CYP1A1: variants seen among roughly 807,000 people sequenced by gnomAD.
CYP1A1 encodes the protein cytochrome P450 1A1.
Under a neutral mutation model 33.6 loss-of-function variants are expected in CYP1A1, and 43 were observed. The ratio of observed to expected loss-of-function variants is 1.28; its 90% CI spans 1.00 to 1.65. The LOEUF is 1.65. Ranked by LOEUF, CYP1A1 falls within the 40% of genes most tolerant of loss-of-function variation. The pLI, the probability that CYP1A1 is intolerant of heterozygous loss-of-function variation, is 0.00. For missense variants in CYP1A1, 637 were observed against 653.7 expected, an observed-to-expected ratio of 0.97 and a Z score of 0.28; for synonymous variants, 280 against 257.8, an observed-to-expected ratio of 1.09 and a Z score of -0.83.
chr15:74,721,504 C>T lies in CYP1A1; in HGVS notation c.953-1G>A, dbSNP rs1382709172. On this transcript the variant is annotated splice_acceptor_variant, in intron 3 of 6. Transcript: ENST00000379727. LOFTEE classifies it high-confidence loss of function. Reference sequence around the variant, plus strand: ...ATAGCAGTTGTGACTGTGTCAAACCCTGGACAGGGTAGAACAGAAGAAGTT... The same window carrying T: ...ATAGCAGTTGTGACTGTGTCAAACCTTGGACAGGGTAGAACAGAAGAAGTT... 1.2e-6 allele frequency: 2 copies of T among 1,614,174 alleles called. No individual in the cohort carries two copies. The highest frequency in any genetic ancestry group is 2.7e-5 in the African/African-American group (2 of 75,032).
rs1447379758 is a variant in CYP1A1, at chr15:74,720,729, G to A, written c.1299C>T (p.Leu433=). 1.9e-6 allele frequency: 3 copies of A among 1,614,014 alleles called. No homozygotes were observed. The South Asian group carries it at 3.3e-5, about 18-fold the overall frequency. ...NPSEFLPERF[L]TPDGAIDKVL... is the part of the protein sequence containing the mutation. ...CCTTGTCGATAGCACCATCAGGGGT[G>A]AGAAACCGTTCAGGTAGGAACTCAG... The change falls in exon 7 of 7, where the codon CTC becomes CTT. Residue 433 remains leucine (L), a synonymous_variant. Transcript: ENST00000379727.
In CYP1A1 at chr15:74,722,658, A is replaced by G. The variant is rs1232845213; in HGVS notation, c.440T>C (p.Ile147Thr). The stretch of plus-strand genomic sequence containing the variant: ...GGTTGAGGAGGCTGGGTCAGAGGCA[A>G]TGGAGAAACTTTTCAGGCCATTCTG... ...LAQNGLKSFS[I>T]ASDPASSTSC... The change falls in exon 2 of 7, where the codon ATT becomes ACT. Residue 147 changes from isoleucine to threonine, a missense_variant. Ile to Thr is a moderately conservative substitution (Grantham distance 89). Coordinates refer to ENST00000379727, the MANE Select transcript of CYP1A1 (RefSeq NM_001319217.2). 1.9e-6 allele frequency: 3 copies of G among 1,613,836 alleles called. No individual in the cohort carries two copies. Among genetic ancestry groups the G allele is most frequent in the Non-Finnish European group, 2.5e-6 (3 of 1,180,036 alleles).
Position 74,722,552 on chromosome 15 carries a change from C to A in CYP1A1, c.546G>T (p.Gly182=). The A allele has an allele frequency of 6.2e-7, 1 of 1,614,130 alleles. No individual in the cohort carries two copies. Among genetic ancestry groups the A allele is most frequent in the Non-Finnish European group, 8.5e-7 (1 of 1,180,026 alleles). The change falls in exon 2 of 7, where the codon GGG becomes GGT. Residue 182 remains glycine (G), a synonymous_variant. Coordinates refer to ENST00000379727, the MANE Select transcript of CYP1A1 (RefSeq NM_001319217.2). ...STLQELMAGP[G]HFNPYRYVVV... is the part of the protein sequence containing the mutation. ...CCACATACCTGTAGGGGTTAAAGTG[C>A]CCAGGCCCTGCCATCAGCTCCTGCA...
At position 74,722,848 on chromosome 15, in the gene CYP1A1, C is replaced by T. The variant is rs1171054135; in HGVS notation, c.250G>A (p.Val84Met). ...ATGGTGTCCAGGCCGCTCAGCACCA[C>T]CACGGGTGTGGAGCCAATTCGGATC... ...LQIRIGSTPV[V>M]VLSGLDTIRQ... Residue 84 changes from valine to methionine, a missense_variant, in exon 2 of 7, where the codon GTG (valine) becomes ATG (methionine). By Grantham distance (21) the Val-to-Met change is conservative. Transcript: ENST00000379727. 1 of 1,614,018 alleles carries T rather than the reference C, an allele frequency of 6.2e-7. No homozygotes were observed. Among genetic ancestry groups the T allele is most frequent in the Non-Finnish European group, 8.5e-7 (1 of 1,180,044 alleles).
In CYP1A1 at chr15:74,720,987, C is replaced by T; in HGVS notation, c.1233G>A (p.Gln411=). The part of the protein sequence containing the change: ...IPKGRCVFVN[Q]WQINHDQKLW... ...CTTACTGGTCATGGTTGATCTGCCA[C>T]TGGTTTACAAAGACACAACGCCCCT... The change falls in exon 6 of 7, where the codon CAG becomes CAA. Residue 411 remains glutamine (Q), a synonymous_variant. Coordinates refer to ENST00000379727, the MANE Select transcript of CYP1A1 (RefSeq NM_001319217.2). The T allele has an allele frequency of 6.2e-7, 1 of 1,614,188 alleles. No homozygotes were observed. The highest frequency in any genetic ancestry group is 1.7e-5 in the Admixed American group (1 of 60,018).
In CYP1A1 at chr15:74,720,386, T is replaced by C. The variant is rs2063157526; in HGVS notation, c.*103A>G. On this transcript the variant is annotated 3_prime_UTR_variant, in exon 7 of 7. Transcript: ENST00000379727. ...GCAAAACTGCAGCCAGATCAGTGTCTATGAGTTTCAGGCTGAACCTTAGAC... is the reference window on the plus strand; with the variant it reads ...GCAAAACTGCAGCCAGATCAGTGTCCATGAGTTTCAGGCTGAACCTTAGAC... The C allele has an allele frequency of 7.6e-7, 1 of 1,317,080 alleles. No homozygotes were observed. The allele number at this position is 1,317,080 out of a possible 1,614,324, so 81.6% of individuals were successfully genotyped here.
chr15:74,720,634 C>T lies in CYP1A1; in HGVS notation c.1394G>A (p.Trp465Ter). Residue 465 changes from tryptophan (W) to a stop codon, truncating the protein, a stop_gained, in exon 7 of 7, where the codon TGG becomes TAG. Transcript: ENST00000379727. LOFTEE classifies it high-confidence loss of function. ...RKCIGETIAR[W>*]EVFLFLAILL... ...GATAGCCAGGAAGAGAAAGACCTCC[C>T]AGCGGGCAATGGTCTCACCGATACA... 1 of 1,614,182 alleles carries T rather than the reference C, an allele frequency of 6.2e-7. No homozygotes were observed. Among genetic ancestry groups the T allele is most frequent in the Non-Finnish European group, 8.5e-7 (1 of 1,180,020 alleles).
Position 74,721,323 on chromosome 15 carries a change from C to A in CYP1A1, c.1043-1G>T. ...CGCCGTGACCTGCCAATCACTGTGT[C>A]TGCAGAACACAGGGACAAGATGGAT... On this transcript the variant is annotated splice_acceptor_variant, in intron 4 of 6. Coordinates refer to ENST00000379727, the MANE Select transcript of CYP1A1 (RefSeq NM_001319217.2). LOFTEE classifies it high-confidence loss of function. The A allele has an allele frequency of 6.2e-7, 1 of 1,613,750 alleles. No individual in the cohort carries two copies. The highest frequency in any genetic ancestry group is 8.5e-7 in the Non-Finnish European group (1 of 1,179,828).
intron 1 of CYP1A1, among the ~76,000 whole-genome samples, chr15:74,723,701 G>A (rs986006349): frequency 2.8e-4 from 42 of 152,228 alleles, no homozygotes; most frequent in African/African-American, 9.6e-4. Flanking sequence ...ATGTTCTCAG[G>A]GGAATTAGGG....
rs780364499 is a variant in CYP1A1, at chr15:74,720,746, G to A, written c.1282C>T (p.Leu428=). 8.1e-6 allele frequency: 13 copies of A among 1,613,422 alleles called. No homozygotes were observed. In the South Asian group the frequency reaches 1.4e-4, roughly 18 times the overall value. The change falls in exon 7 of 7, where the codon CTA becomes TTA. Residue 428 remains leucine, a synonymous_variant. Coordinates refer to ENST00000379727, the MANE Select transcript of CYP1A1 (RefSeq NM_001319217.2). ...TCAGGGGTGAGAAACCGTTCAGGTA[G>A]GAACTCAGATGGGTTGACCCATAGC... ...QKLWVNPSEF[L]PERFLTPDGA... is the part of the protein sequence containing the mutation.
At position 74,721,478 on chromosome 15, in the gene CYP1A1, G is replaced by A; in HGVS notation, c.978C>T (p.Ile326=). ...GAGFDTVTTA[I]SWSLMYLVMN... ...TCACCAAATACATGAGGCTCCAGGA[G>A]ATAGCAGTTGTGACTGTGTCAAACC... is the stretch of plus-strand genomic sequence containing the variant. Residue 326 remains isoleucine, a synonymous_variant, in exon 4 of 7, where the codon ATC becomes ATT. Coordinates refer to ENST00000379727, the MANE Select transcript of CYP1A1 (RefSeq NM_001319217.2). 3 of 1,614,202 alleles carry A rather than the reference G, an allele frequency of 1.9e-6. No homozygotes were observed. Among genetic ancestry groups the A allele is most frequent in the Non-Finnish European group, 2.5e-6 (3 of 1,180,032 alleles).
chr15:74,724,231 G>C (rs945484934), intron 1 of CYP1A1, among the ~76,000 whole-genome samples: 3 of 152,126 alleles, frequency 2.0e-5, no homozygotes, highest in Admixed American at 1.3e-4. Flanking sequence ...ACTGGAATCA[G>C]GGAAATCAGG....
Position 74,722,882 on chromosome 15 carries a change from G to T in CYP1A1, c.216C>A (p.Asp72Glu), listed in dbSNP as rs139919943. 1 of 1,614,160 alleles carries T rather than the reference G, an allele frequency of 6.2e-7. No individual in the cohort carries two copies. The highest frequency in any genetic ancestry group is 1.1e-5 in the South Asian group (1 of 91,080). Residue 72 changes from aspartate (D) to glutamate (E), a missense_variant, in exon 2 of 7, where the codon GAC (aspartate) becomes GAA (glutamate). Transcript: ENST00000379727. Reference protein sequence around the residue: ...ALSRMSQQYGDVLQIRIGSTP... With the variant: ...ALSRMSQQYGEVLQIRIGSTP... ...TGGAGCCAATTCGGATCTGCAGCAC[G>T]TCCCCATACTGCTGGCTCATCCTTG...
At chr15:74,720,865 C>T (rs770306883) in intron 6 of CYP1A1, 91 bp from the exon 7 acceptor site, 155 of 1,565,072 alleles carry the variant, frequency 9.9e-5, no homozygotes, top group Non-Finnish European at 1.3e-4. Flanking sequence ...AGAGGACAGG[C>T]AAGCAGCCCA....
chr15:74,720,464 T>C lies in CYP1A1; in HGVS notation c.*25A>G, dbSNP rs754368306. 3.9e-6 allele frequency: 6 copies of C among 1,538,470 alleles called. No homozygotes were observed. In the Admixed American group the frequency reaches 1.2e-4, roughly 32 times the overall value. On this transcript the variant is annotated 3_prime_UTR_variant, in exon 7 of 7. Coordinates refer to ENST00000379727, the MANE Select transcript of CYP1A1 (RefSeq NM_001319217.2). ...GCCCAACCAGACCAGGTAGACAGAG[T>C]CTAGGCCTCAGGGCTCTCAAGCACC... is the stretch of plus-strand genomic sequence containing the variant.
chr15:74,723,236 A>C (rs1005741715), intron 1 of CYP1A1, 110 bp from the exon 2 acceptor site: 13 of 628,282 alleles, frequency 2.1e-5, no homozygotes, highest in Non-Finnish European at 3.2e-5. Context: ...AGAACTGCTT[A>C]CTGGGCATGA....
In CYP1A1 at chr15:74,722,485, G is replaced by A. The variant is rs201182659; in HGVS notation, c.613C>T (p.Arg205Trp). 2.2e-5 allele frequency: 35 copies of A among 1,613,714 alleles called. No homozygotes were observed. In the South Asian group the frequency reaches 2.2e-4, roughly 10 times the overall value. Residue 205 changes from arginine to tryptophan, a missense_variant, in exon 2 of 7, where the codon CGG becomes TGG. Physicochemically the swap from Arg to Trp is moderately radical, Grantham distance 101. Transcript: ENST00000379727. ...TNVICAICFG[R>W]RYDHNHQELL... The stretch of plus-strand genomic sequence containing the variant: ...TCTTGGTGGTTGTGGTCATAGCGCC[G>A]GCCAAAGCAAATGGCACAGATGACA...
In CYP1A1 at chr15:74,720,974, G is replaced by T. The variant is rs1290445836; in HGVS notation, c.1246C>A (p.His416Asn). 7 of 1,614,130 alleles carry T rather than the reference G, an allele frequency of 4.3e-6. No homozygotes were observed. Among genetic ancestry groups the T allele is most frequent in the Non-Finnish European group, 5.9e-6 (7 of 1,179,992 alleles). ...CTGCATCTCTGAACTTACTGGTCAT[G>T]GTTGATCTGCCACTGGTTTACAAAG... Reference protein sequence around the residue: ...CVFVNQWQINHDQKLWVNPSE... With the variant: ...CVFVNQWQINNDQKLWVNPSE... The change falls in exon 6 of 7, where the codon CAT (histidine) becomes AAT (asparagine). Residue 416 changes from histidine (H) to asparagine (N), a missense_variant. His to Asn is a moderately conservative substitution (Grantham distance 68). Coordinates refer to ENST00000379727, the MANE Select transcript of CYP1A1 (RefSeq NM_001319217.2).
chr15:74,720,869 C>T (rs1202063690), intron 6 of CYP1A1, 95 bp from the exon 7 acceptor site: 1 of 1,562,644 alleles, frequency 6.4e-7, no homozygotes, highest in East Asian at 2.2e-5. Flanking sequence ...GACAGGCAAG[C>T]AGCCCATGGA....
Sources: allele counts gnomAD v4.1 joint callset (sites outside exome capture counted in the v4.1 genomes callset), GRCh38; gene constraint gnomAD v4.1.1; transcripts MANE v1.5; gene names NCBI Gene and HGNC (gene_info 2026-07-23, HGNC 2026-07-21).